The following TTC39C variants were observed in gnomAD, a reference collection of about 807,000 sequenced individuals.
TTC39C encodes tetratricopeptide repeat domain 39C.
A neutral mutation model predicts 76.3 loss-of-function variants in TTC39C; 33 were observed. The observed-to-expected ratio is 0.43, with a 90% CI of 0.33 to 0.58. TTC39C has a LOEUF of 0.58. Ranked by LOEUF, TTC39C falls within the 20% of genes least tolerant of loss-of-function variation. The probability of loss-of-function intolerance (pLI) is 0.04; values close to 1 mark genes in which losing one functional copy is unlikely to be tolerated. For missense variants in TTC39C, 595 were observed against 701.4 expected, an observed-to-expected ratio of 0.85 and a Z score of 1.71; for synonymous variants, 254 against 260.6, an observed-to-expected ratio of 0.97 and a Z score of 0.24.
At chr18:23,998,685 T>G (rs1370926245) in intron 1 of TTC39C, among the ~76,000 whole-genome samples, 2 of 152,206 alleles carry the variant, frequency 1.3e-5, no homozygotes, top group Non-Finnish European at 2.9e-5. Context: ...TATAAAGGTA[T>G]TTACACATCC....
intron 6 of TTC39C, among the ~76,000 whole-genome samples, chr18:24,094,611 A>C (rs953905748): frequency 1.3e-5 from 2 of 152,266 alleles, no homozygotes; most frequent in African/African-American, 4.8e-5. Context: ...ACAGACATGA[A>C]AACAACATTA....
intron 1 of TTC39C, among the ~76,000 whole-genome samples, chr18:24,034,268 T>A (rs1018086083): frequency 3.3e-5 from 5 of 152,194 alleles, no homozygotes; most frequent in African/African-American, 1.2e-4. Context: ...ACGACAGAGA[T>A]GCGTACTTTA....
chr18:24,132,433 C>T, intron 13 of TTC39C, 52 bp from the exon 14 acceptor site: 1 of 1,529,270 alleles, frequency 6.5e-7, no homozygotes, highest in Admixed American at 1.7e-5. Context: ...CCACAGTACC[C>T]TGTGCAAGCT....
chr18:24,131,020 CAAAAAAAAAAAAAAAAAAAAAAAA>C (rs59161044), intron 12 of TTC39C, among the ~76,000 whole-genome samples: 2 of 14,424 alleles, frequency 1.4e-4, no homozygotes, highest in Non-Finnish European at 2.8e-4. Flanking sequence ...CTCATCTCTG[CAAAAAAAAAAAAAAAAAAAAAAAA>C]AAAAAAAAAA....
rs1238923519 is a variant in TTC39C at position 24,080,927 on chromosome 18, C to T, written c.803C>T (p.Ala268Val). 6.2e-7 allele frequency: 1 copy of T among 1,611,882 alleles called. No individual in the cohort carries two copies. Among genetic ancestry groups the T allele is most frequent in the Admixed American group, 1.7e-5 (1 of 59,640 alleles). The change falls in exon 5 of 14, where the codon GCC becomes GTC. Residue 268 changes from alanine (A) to valine (V), a missense_variant. Physicochemically the swap from Ala to Val is moderately conservative, Grantham distance 64. Coordinates refer to ENST00000317571, the MANE Select transcript of TTC39C (RefSeq NM_001135993.2). Reference protein sequence around the residue: ...MYASESKDMKAPLATLALLWY... With the variant: ...MYASESKDMKVPLATLALLWY... ...GCAAGCGAAAGTAAGGACATGAAGG[C>T]CCCTTTAGCTACGTGAGTAGCTGTA...
chr18:24,073,149 G>A (rs2084261656), intron 4 of TTC39C, among the ~76,000 whole-genome samples: 1 of 152,140 alleles, frequency 6.6e-6, no homozygotes. Flanking sequence ...CTAGCCCTGG[G>A]CTAGAATAGT....
chr18:24,119,529 C>A (rs866000848), intron 8 of TTC39C, among the ~76,000 whole-genome samples: 1 of 152,102 alleles, frequency 6.6e-6, no homozygotes, highest in Non-Finnish European at 1.5e-5. Context: ...TCTTAAATTC[C>A]CTATAAAATT....
At chr18:23,993,840 A>G (rs1243798437) in intron 1 of TTC39C, among the ~76,000 whole-genome samples, 1 of 152,254 alleles carries the variant, frequency 6.6e-6, no homozygotes, top group Non-Finnish European at 1.5e-5. Context: ...GTTTGACATT[A>G]GATGTTTTGG....
chr18:24,072,051 C>A (rs980355021), intron 4 of TTC39C, among the ~76,000 whole-genome samples: 1 of 151,990 alleles, frequency 6.6e-6, no homozygotes, highest in East Asian at 1.9e-4. Context: ...TTTGAGACAC[C>A]CAGTGGGTTA....
chr18:23,994,630 C>A (rs577784250), intron 1 of TTC39C, among the ~76,000 whole-genome samples: 2 of 151,122 alleles, frequency 1.3e-5, no homozygotes, highest in Non-Finnish European at 3.0e-5. Context: ...CGTTTCAAGG[C>A]TTTAAAAAAG....
intron 1 of TTC39C, among the ~76,000 whole-genome samples, chr18:24,034,977 G>A (rs911726413): frequency 6.6e-6 from 1 of 152,004 alleles, no homozygotes. Context: ...CAGTTTTTTC[G>A]GGTATATACC....
At chr18:24,032,215 G>C (rs375672913) in intron 1 of TTC39C, among the ~76,000 whole-genome samples, 1 of 152,208 alleles carries the variant, frequency 6.6e-6, no homozygotes, top group Admixed American at 6.5e-5. Context: ...AGAACTGTAA[G>C]AGAATACATT....
chr18:24,125,558 AT>A lies in TTC39C; in HGVS notation c.1420+11del. 1 of 1,614,076 alleles carries A rather than the reference AT, an allele frequency of 6.2e-7. No homozygotes were observed. ...TGCAGAGGATGAGTCAAGGTAAAAAATTTAAAAAAACCCAAAACTGTCTACT... is the reference window on the plus strand; with the variant it reads ...TGCAGAGGATGAGTCAAGGTAAAAAATTAAAAAAACCCAAAACTGTCTACT... On this transcript the variant is annotated intron_variant, in intron 10 of 13. Coordinates refer to ENST00000317571, the MANE Select transcript of TTC39C (RefSeq NM_001135993.2).
At chr18:24,032,081 A>G (rs962412174) in intron 1 of TTC39C, among the ~76,000 whole-genome samples, 1 of 152,238 alleles carries the variant, frequency 6.6e-6, no homozygotes, top group Non-Finnish European at 1.5e-5. Context: ...GCCCGAATGC[A>G]GCCAGTCACC....
intron 1 of TTC39C, chr18:24,019,821 A>C: frequency 6.7e-7 from 1 of 1,500,378 alleles, no homozygotes; most frequent in South Asian, 1.2e-5. Context: ...ACCATATGGC[A>C]TGCAAAGCCT....
intron 4 of TTC39C, among the ~76,000 whole-genome samples, chr18:24,076,495 G>A (rs1188261153): frequency 1.3e-5 from 2 of 151,872 alleles, no homozygotes; most frequent in African/African-American, 2.4e-5. Context: ...AGGAGCCACA[G>A]TGCAGAGCGT....
intron 8 of TTC39C, among the ~76,000 whole-genome samples, chr18:24,119,975 A>T (rs2084945006): frequency 7.0e-6 from 1 of 142,700 alleles, no homozygotes; most frequent in African/African-American, 2.5e-5. Context: ...CCCCCCCCCA[A>T]TATTTGGCAA....
chr18:24,077,265 A>C (rs984579709), intron 4 of TTC39C: 1 of 152,236 alleles, frequency 6.6e-6, no homozygotes, highest in African/African-American at 2.4e-5. Context: ...GTAGCCTGGA[A>C]AATACAGGAT....
chr18:24,095,860 T>A (rs1169288650), intron 6 of TTC39C, among the ~76,000 whole-genome samples: 1 of 152,214 alleles, frequency 6.6e-6, no homozygotes, highest in Non-Finnish European at 1.5e-5. Flanking sequence ...TTACAGTTCT[T>A]CCTTTCACTT....
Sources: allele counts gnomAD v4.1 joint callset (sites outside exome capture counted in the v4.1 genomes callset), GRCh38; gene constraint gnomAD v4.1.1; transcripts MANE v1.5; gene names NCBI Gene and HGNC (gene_info 2026-07-23, HGNC 2026-07-21).